Variants in CSMD1 observed in about 807,000 individuals in gnomAD.
CSMD1 encodes the protein CUB and sushi domain-containing protein 1.
In CSMD1, 213 loss-of-function variants were observed where a neutral mutation model predicts 417.5. The ratio of observed to expected loss-of-function variants is 0.51; its 90% CI spans 0.46 to 0.57. CSMD1 has a LOEUF of 0.57. Among genes scored for constraint, CSMD1 ranks in the 20% least tolerant of loss-of-function variants. The pLI is 0.00. For missense variants in CSMD1, 6,923 were observed against 4,529.7 expected (o/e 1.53, Z -15.17); for synonymous variants, 2,862 against 1,736.8 (o/e 1.65, Z -16.11).
At chr8:4,673,022 C>G (rs908426059) in intron 1 of CSMD1, among the ~76,000 whole-genome samples, 1 of 151,862 alleles carries the variant, frequency 6.6e-6, no homozygotes, top group Non-Finnish European at 1.5e-5. Flanking sequence ...ACATGGCACA[C>G]ACGCACACGG....
chr8:3,699,617 T>C (rs1206505663), intron 7 of CSMD1, among the ~76,000 whole-genome samples: 1 of 152,176 alleles, frequency 6.6e-6, no homozygotes, highest in Non-Finnish European at 1.5e-5. Flanking sequence ...TACTCAATCA[T>C]CAGTAAATGT....
rs13270130 is a variant in CSMD1 at position 4,342,956 on chromosome 8, G to A, written c.415+76997C>T. 9.8e-3 allele frequency among the ~76,000 whole-genome samples: 1,492 copies of A among 152,186 alleles called. 14 individuals carry two copies. Among genetic ancestry groups the A allele is most frequent in the Middle Eastern group, 0.017 (5 of 294 alleles). On this transcript the variant is annotated intron_variant, in intron 3 of 69. Transcript: ENST00000635120. ...CACTGATCTGTAAGTTTCAGACTCT[G>A]ACAGGTAGATGTCAGGTAGAGAATT...
At position 3,085,335 on chromosome 8, in the gene CSMD1, G is replaced by A. The variant is rs536097304; in HGVS notation, c.7474+1762C>T. On this transcript the variant is annotated intron_variant, in intron 49 of 69. Coordinates refer to ENST00000635120, the MANE Select transcript of CSMD1 (RefSeq NM_033225.6). ...GTTAACAGAAAGGTTAACAGGAAGT[G>A]TAGAAAGTCACAGATCTGTTTTAGA... Among the ~76,000 whole-genome samples the A allele has an allele frequency of 3.3e-5, 5 of 152,358 alleles. No individual in the cohort carries two copies. In the South Asian group the frequency reaches 8.3e-4, roughly 25 times the overall value.
intron 10 of CSMD1, among the ~76,000 whole-genome samples, chr8:3,517,633 G>A (rs1318029571): frequency 6.6e-6 from 1 of 152,058 alleles, no homozygotes; most frequent in Middle Eastern, 3.2e-3. Context: ...TTTTTTTGGG[G>A]AAAAAGGCTT....
At chr8:3,277,875 C>G (rs1244955875) in intron 26 of CSMD1, among the ~76,000 whole-genome samples, 1 of 152,168 alleles carries the variant, frequency 6.6e-6, no homozygotes, top group Non-Finnish European at 1.5e-5. Flanking sequence ...TGCCAACATT[C>G]CATCATTTCT....
intron 2 of CSMD1, among the ~76,000 whole-genome samples, chr8:4,534,881 G>A (rs941428873): frequency 6.6e-6 from 1 of 152,088 alleles, no homozygotes; most frequent in Non-Finnish European, 1.5e-5. Flanking sequence ...TCCTGCCTCA[G>A]CCTCCCAAGT....
chr8:4,703,876 TG>T (rs923589300), intron 1 of CSMD1, among the ~76,000 whole-genome samples: 8 of 152,144 alleles, frequency 5.3e-5, no homozygotes, highest in African/African-American at 1.9e-4. Context: ...ACAGCAGGGT[TG>T]GGGGACGGTT....
At chr8:4,747,263 G>C (rs1037388990) in intron 1 of CSMD1, among the ~76,000 whole-genome samples, 1 of 152,134 alleles carries the variant, frequency 6.6e-6, no homozygotes, top group African/African-American at 2.4e-5. Flanking sequence ...TTCATAAGTA[G>C]TATTGAAAAC....
intron 26 of CSMD1, among the ~76,000 whole-genome samples, chr8:3,282,188 G>C (rs1193776809): frequency 6.6e-6 from 1 of 152,112 alleles, no homozygotes; most frequent in East Asian, 1.9e-4. Flanking sequence ...CACCAAAAGT[G>C]AACCCGGAGA....
intron 5 of CSMD1, among the ~76,000 whole-genome samples, chr8:3,810,196 G>C (rs919360389): frequency 1.3e-5 from 2 of 152,178 alleles, no homozygotes; most frequent in Non-Finnish European, 2.9e-5. Flanking sequence ...TGTCCAATGA[G>C]TCAGGACAGT....
intron 3 of CSMD1, among the ~76,000 whole-genome samples, chr8:4,334,458 A>G (rs538267860): frequency 6.6e-6 from 1 of 152,272 alleles, no homozygotes; most frequent in East Asian, 1.9e-4. Flanking sequence ...TGCAACATCA[A>G]ACTCCTGAGT....
Position 2,960,955 on chromosome 8 carries a change from T to TATAA in CSMD1, c.9702+185_9702+186insTTAT, listed in dbSNP as rs1554472470. On this transcript the variant is annotated intron_variant, in intron 62 of 69. Transcript: ENST00000635120. ...AGTAAGCAAGATATATATATATATA[T>TATAA]ATATATATATACATATATTGATTTT... 2.5e-5 allele frequency among the ~76,000 whole-genome samples: 3 copies of TATAA among 118,512 alleles called. No individual in the cohort carries two copies. The East Asian group carries it at 6.9e-4, about 27-fold the overall frequency. The allele number at this position is 118,512 out of a possible 152,430, so 77.7% of individuals were successfully genotyped here.
At chr8:4,344,487 A>G (rs920153471) in intron 3 of CSMD1, among the ~76,000 whole-genome samples, 1 of 151,628 alleles carries the variant, frequency 6.6e-6, no homozygotes, top group African/African-American at 2.4e-5. Context: ...CTATCTCTCA[A>G]TCTATTTTTT....
intron 7 of CSMD1, among the ~76,000 whole-genome samples, chr8:3,648,318 A>T (rs149902113): frequency 3.9e-5 from 6 of 152,330 alleles, no homozygotes; most frequent in Admixed American, 3.9e-4. Flanking sequence ...CCTTGCTGAA[A>T]TAATAGTTGT....
chr8:4,899,213 T>C (rs929645051), intron 1 of CSMD1, among the ~76,000 whole-genome samples: 3 of 152,204 alleles, frequency 2.0e-5, no homozygotes, highest in Non-Finnish European at 4.4e-5. Flanking sequence ...AGAAACATCA[T>C]TTGAAGCAAA....
chr8:3,378,548 C>T (rs1259277701), intron 18 of CSMD1, among the ~76,000 whole-genome samples: 1 of 152,172 alleles, frequency 6.6e-6, no homozygotes, highest in Non-Finnish European at 1.5e-5. Flanking sequence ...AGCCTATCCA[C>T]CATGATCAAG....
At chr8:3,986,995 T>A (rs2627388) in intron 5 of CSMD1, among the ~76,000 whole-genome samples, 39,383 of 151,974 alleles carry the variant, frequency 0.26, 5,187 homozygotes, top group East Asian at 0.38. Flanking sequence ...CATCAAATAA[T>A]CCACCTGCCT....
intron 6 of CSMD1, among the ~76,000 whole-genome samples, chr8:3,752,686 A>AAC (rs1161800414): frequency 4.5e-5 from 3 of 66,154 alleles, no homozygotes; most frequent in Non-Finnish European, 1.1e-4. Flanking sequence ...CAAAAAAAAA[A>AAC]AAAAAAAAAA....
chr8:3,476,912 CAAAAA>C (rs761021655), intron 11 of CSMD1, among the ~76,000 whole-genome samples: 8 of 126,826 alleles, frequency 6.3e-5, no homozygotes, highest in Non-Finnish European at 5.0e-5. Context: ...AACTCCGCCT[CAAAAA>C]AAAAAAAAAA....
Sources: gnomAD v4.1 joint callset for allele counts (sites outside exome capture counted in the v4.1 genomes callset) on GRCh38, gnomAD v4.1.1 for gene constraint, MANE v1.5 for transcripts, NCBI Gene and HGNC (gene_info 2026-07-23, HGNC 2026-07-21) for gene names.